The following PTPRN2 variants were observed in gnomAD, a reference collection of about 807,000 sequenced individuals.
PTPRN2 encodes the protein receptor-type tyrosine-protein phosphatase N2.
PTPRN2 carries 74 observed loss-of-function variants against 118.8 expected under a neutral mutation model. The observed-to-expected ratio is 0.62, with a 90% CI of 0.52 to 0.76. PTPRN2 has a LOEUF of 0.76. Ranked by LOEUF, PTPRN2 falls within the 30% of genes least tolerant of loss-of-function variation. PTPRN2 has a pLI of 0.00. For synonymous variants in PTPRN2, 641 were observed against 608.0 expected (o/e 1.05, Z -0.80); for missense variants, 1,481 against 1,394.4 (o/e 1.06, Z -0.99).
At chr7:158,334,539 T>A (rs1483816123) in intron 2 of PTPRN2, among the ~76,000 whole-genome samples, 1 of 107,594 alleles carries the variant, frequency 9.3e-6, no homozygotes, top group African/African-American at 3.5e-5. Flanking sequence ...CAGACGTCAC[T>A]CACACCCACA....
intron 11 of PTPRN2, among the ~76,000 whole-genome samples, chr7:158,071,498 C>CGTG (rs1811647189): frequency 8.7e-6 from 1 of 114,664 alleles, no homozygotes; most frequent in Non-Finnish European, 1.7e-5. Flanking sequence ...TGCAGGTGCT[C>CGTG]CTGGTGGAGA....
At chr7:157,902,665 C>T (rs143291140) in intron 11 of PTPRN2, among the ~76,000 whole-genome samples, 3 of 152,300 alleles carry the variant, frequency 2.0e-5, no homozygotes, top group Non-Finnish European at 2.9e-5. Context: ...GTGTGACGCG[C>T]GTCAGGATTC....
Position 157,784,780 on chromosome 7 carries a change from C to T in PTPRN2, c.1789-101843G>A, listed in dbSNP as rs576050444. On this transcript the variant is annotated intron_variant, in intron 12 of 22. Coordinates refer to ENST00000389418, the MANE Select transcript of PTPRN2 (RefSeq NM_002847.5). The surrounding 1 kb of genome is among the most constrained non-coding windows in gnomAD (Gnocchi z 4.6). ...TCACCGCAAACCCTGACCCCACACC[C>T]GGCCTCTCTGCAGCTAATGGAAGGA... 5.3e-5 allele frequency among the ~76,000 whole-genome samples: 8 copies of T among 152,316 alleles called. No homozygotes were observed. The highest frequency in any genetic ancestry group is 2.1e-4 in the South Asian group (1 of 4,822).
chr7:158,406,612 C>T (rs1813462288), intron 2 of PTPRN2, among the ~76,000 whole-genome samples: 1 of 152,352 alleles, frequency 6.6e-6, no homozygotes, highest in Non-Finnish European at 1.5e-5. Flanking sequence ...CCAGTCTCTC[C>T]CGCGGACCTG....
intron 11 of PTPRN2, among the ~76,000 whole-genome samples, chr7:157,992,366 G>A (rs912294973): frequency 6.6e-5 from 10 of 152,168 alleles, no homozygotes; most frequent in Non-Finnish European, 1.3e-4. Flanking sequence ...GAGTGGAATC[G>A]CCATGGCCAC....
chr7:158,489,730 C>A lies in PTPRN2; in HGVS notation c.163+5G>T. The A allele has an allele frequency of 6.3e-7, 1 of 1,578,374 alleles. No homozygotes were observed. The highest frequency in any genetic ancestry group is 8.6e-7 in the Non-Finnish European group (1 of 1,163,526). On this transcript the variant is annotated splice_donor_5th_base_variant and intron_variant, in intron 2 of 22. Transcript: ENST00000389418. ...AGGGCGCAGCAGCCAGGACCCCACA[C>A]TCACCGTTCACACAGGCCTCGGACG...
intron 2 of PTPRN2, among the ~76,000 whole-genome samples, chr7:158,432,550 C>CT (rs1352809116): frequency 6.6e-6 from 1 of 152,208 alleles, no homozygotes; most frequent in Non-Finnish European, 1.5e-5. Context: ...TTTTCTGAGA[C>CT]TATCAGTAAA....
At chr7:158,227,031 G>A (rs1828839246) in intron 3 of PTPRN2, among the ~76,000 whole-genome samples, 1 of 152,052 alleles carries the variant, frequency 6.6e-6, no homozygotes, top group African/African-American at 2.4e-5. Context: ...AGTGGCACCA[G>A]CTCCAGGAGA....
chr7:157,548,004 C>G (rs1585013897), intron 22 of PTPRN2, among the ~76,000 whole-genome samples: 2 of 152,298 alleles, frequency 1.3e-5, no homozygotes, highest in South Asian at 4.1e-4. Context: ...GTGCTGACTT[C>G]CTGGGTTTGG....
At chr7:158,106,162 C>G (rs138429412) in intron 10 of PTPRN2, among the ~76,000 whole-genome samples, 8 of 152,266 alleles carry the variant, frequency 5.3e-5, no homozygotes, top group Middle Eastern at 3.4e-3. Flanking sequence ...CATCCCATCT[C>G]CATTTCCAGT....
intron 13 of PTPRN2, chr7:157,669,660 T>C: frequency 5.2e-6 from 2 of 385,626 alleles, no homozygotes; most frequent in Admixed American, 6.8e-5. Flanking sequence ...CAAGATGTTT[T>C]CTCAAAACAA....
intron 2 of PTPRN2, among the ~76,000 whole-genome samples, chr7:158,432,547 A>C (rs984493158): frequency 2.6e-5 from 4 of 152,230 alleles, no homozygotes; most frequent in Admixed American, 6.5e-5. Context: ...AGGTTTTCTG[A>C]GACTATCAGT....
intron 11 of PTPRN2, among the ~76,000 whole-genome samples, chr7:157,998,596 G>A (rs1804965209): frequency 6.6e-6 from 1 of 152,166 alleles, no homozygotes; most frequent in Non-Finnish European, 1.5e-5. Flanking sequence ...GCCGAGGCAA[G>A]TGGATCACCT....
rs114625754 is a variant in PTPRN2, at chr7:158,223,063, C to A, written c.278-17790G>T. ...GAATAAACAACTCTACACACATAAACCTGACAACATAGATGAAATGGATCG... is the reference window on the plus strand; with the variant it reads ...GAATAAACAACTCTACACACATAAAACTGACAACATAGATGAAATGGATCG... On this transcript the variant is annotated intron_variant, in intron 3 of 22. Transcript: ENST00000389418. 2.7e-3 allele frequency among the ~76,000 whole-genome samples: 416 copies of A among 152,226 alleles called. 1 individual carries two copies. The highest frequency in any genetic ancestry group is 9.4e-3 in the African/African-American group (391 of 41,540).
chr7:157,753,289 CT>C (rs1229128970), intron 12 of PTPRN2, among the ~76,000 whole-genome samples: 3 of 152,176 alleles, frequency 2.0e-5, no homozygotes, highest in African/African-American at 7.2e-5. Flanking sequence ...CCGATGCCCA[CT>C]GGACCCCACA....
chr7:158,219,726 A>C (rs1828209454), intron 3 of PTPRN2, among the ~76,000 whole-genome samples: 1 of 151,994 alleles, frequency 6.6e-6, no homozygotes, highest in Admixed American at 6.6e-5. Context: ...ATTACAAGAA[A>C]ACCTTTTAGG....
At chr7:158,043,523 T>C (rs1229072269) in intron 11 of PTPRN2, among the ~76,000 whole-genome samples, 2 of 152,142 alleles carry the variant, frequency 1.3e-5, no homozygotes, top group African/African-American at 4.8e-5. Context: ...ACAAAAATAC[T>C]CACCAACAAT....
chr7:158,087,306 T>C (rs1314090464), intron 10 of PTPRN2, among the ~76,000 whole-genome samples: 2 of 152,214 alleles, frequency 1.3e-5, no homozygotes, highest in Admixed American at 6.5e-5. Flanking sequence ...GACTGTCTCT[T>C]TCCCGACCCT....
At chr7:157,812,266 C>T (rs1024525541) in intron 12 of PTPRN2, among the ~76,000 whole-genome samples, 9 of 152,262 alleles carry the variant, frequency 5.9e-5, no homozygotes, top group East Asian at 1.9e-4. Context: ...TGGGGCTTGC[C>T]GGGAGAGACG....
Sources: allele counts gnomAD v4.1 joint callset (sites outside exome capture counted in the v4.1 genomes callset), GRCh38; gene constraint gnomAD v4.1.1; non-coding constraint Gnocchi (gnomAD v3.1); transcripts MANE v1.5; gene names NCBI Gene and HGNC (gene_info 2026-07-23, HGNC 2026-07-21).